Variants in ARHGAP30 observed in about 807,000 individuals in gnomAD.
ARHGAP30 encodes the protein Rho GTPase activating protein 30.
ARHGAP30 carries 23 observed loss-of-function variants against 72.0 expected under a neutral mutation model. The ratio of observed to expected loss-of-function variants is 0.32; its 90% confidence interval spans 0.23 to 0.45. The LOEUF (loss-of-function observed/expected upper bound fraction) is 0.45. ARHGAP30 is among the 20% of genes least tolerant of loss of function. The pLI is 1.00. For synonymous variants in ARHGAP30, 576 were observed against 528.2 expected (o/e 1.09, Z -1.24); for missense variants, 1,319 against 1,383.4 (o/e 0.95, Z 0.74).
intron 1 of ARHGAP30, among the ~76,000 whole-genome samples, chr1:161,064,845 GA>G (rs1196264251): frequency 1.3e-5 from 1 of 79,540 alleles, no homozygotes; most frequent in African/African-American, 4.0e-5. Flanking sequence ...AAGAAAGAAA[GA>G]AAGGAAAGGA....
At position 161,053,485 on chromosome 1, in the gene ARHGAP30, TCTCTCTCTCTCTCTCTCTCTC is replaced by T. The variant is rs1651585816; in HGVS notation, c.537-121_537-101del. ...TATTCTCTCTCTCTCTCTCTCTCTC[TCTCTCTCTCTCTCTCTCTCTC>T]GAATGACCTTAACCCCTTCTCTACC... On this transcript the variant is annotated intron_variant, in intron 5 of 11. Transcript: ENST00000368013. 220 of 1,237,178 alleles carry T rather than the reference TCTCTCTCTCTCTCTCTCTCTC, an allele frequency of 1.8e-4. 1 individual carries two copies. Among genetic ancestry groups the T allele is most frequent in the African/African-American group, 1.1e-3 (66 of 59,276 alleles). 76.6% of individuals were successfully genotyped at this position (1,237,178 alleles called of 1,614,324 possible).
intron 2 of ARHGAP30, among the ~76,000 whole-genome samples, chr1:161,057,196 C>T (rs1320432757): frequency 3.3e-5 from 5 of 151,658 alleles, no homozygotes; most frequent in Non-Finnish European, 5.9e-5. Context: ...ACTCTGTCGC[C>T]CAGACTGGCA....
At chr1:161,062,267 C>G (rs891012945) in intron 1 of ARHGAP30, among the ~76,000 whole-genome samples, 2 of 152,138 alleles carry the variant, frequency 1.3e-5, no homozygotes, top group Admixed American at 6.6e-5. Context: ...AACTCCTCAA[C>G]CTGGTATATA....
intron 6 of ARHGAP30, 63 bp from the exon 7 acceptor site, chr1:161,052,860 A>C (rs1450903742): frequency 7.0e-6 from 11 of 1,569,328 alleles, no homozygotes; most frequent in Non-Finnish European, 9.5e-6. Context: ...TCAGGCACCC[A>C]ATCCTTCATC....
chr1:161,052,508 G>A lies in ARHGAP30; in HGVS notation c.872C>T (p.Ser291Phe). 2 of 1,613,836 alleles carry A rather than the reference G, an allele frequency of 1.2e-6. No homozygotes were observed. The highest frequency in any genetic ancestry group is 1.7e-6 in the Non-Finnish European group (2 of 1,180,012). ...KGSLKVRKWR[S>F]IFNLGRSGHE... ...GCCAGAGCGACCTAAATTGAAGATA[G>A]ACCTCCACTTCCTGACCTTCAAAGA... Residue 291 changes from serine (S) to phenylalanine (F), a missense_variant, in exon 8 of 12, where the codon TCT becomes TTT. By Grantham distance (155) the Ser-to-Phe change is radical. Transcript: ENST00000368013.
chr1:161,053,106 G>T (rs1312553216), intron 6 of ARHGAP30, 152 bp downstream of exon 6: 40 of 1,183,744 alleles, frequency 3.4e-5, no homozygotes, highest in Non-Finnish European at 4.4e-5. Flanking sequence ...CTCAAGTCCT[G>T]ACTGCACAAT....
Position 161,056,389 on chromosome 1 carries a change from G to A in ARHGAP30, c.344C>T (p.Ala115Val). 2 of 1,613,440 alleles carry A rather than the reference G, an allele frequency of 1.2e-6. No homozygotes were observed. The highest frequency in any genetic ancestry group is 1.7e-6 in the Non-Finnish European group (2 of 1,179,734). Residue 115 changes from alanine to valine, a missense_variant and splice_region_variant, in exon 3 of 12, where the codon GCT (alanine) becomes GTT (valine). Coordinates refer to ENST00000368013, the MANE Select transcript of ARHGAP30 (RefSeq NM_001025598.2). Reference protein sequence around the residue: ...LLTYRLYDKFAEAVGVQLEPE... With the variant: ...LLTYRLYDKFVEAVGVQLEPE... ...CCACCCCTCGGCCTCTCAACTCACA[G>A]CAAACTTGTCATAGAGCCGGTAAGT...
At chr1:161,056,669 C>A (rs1037432398) in intron 2 of ARHGAP30, 137 bp from the exon 3 acceptor site, 2 of 902,652 alleles carry the variant, frequency 2.2e-6, no homozygotes, top group Non-Finnish European at 1.6e-6. Context: ...GGGACACGTA[C>A]ACATGTAAGC....
intron 1 of ARHGAP30, among the ~76,000 whole-genome samples, chr1:161,067,736 C>T (rs140534436): frequency 2.6e-5 from 4 of 152,162 alleles, no homozygotes; most frequent in East Asian, 1.9e-4. Flanking sequence ...GGGAGACCAA[C>T]GTGATCAGGG....
intron 2 of ARHGAP30, 118 bp downstream of exon 2, chr1:161,059,496 G>T: frequency 2.4e-6 from 2 of 830,002 alleles, no homozygotes; most frequent in Non-Finnish European, 1.9e-6. Flanking sequence ...TAGTATCTGT[G>T]TTTCCTTCTC....
At chr1:161,056,971 A>C (rs1230938001) in intron 2 of ARHGAP30, among the ~76,000 whole-genome samples, 1 of 152,206 alleles carries the variant, frequency 6.6e-6, no homozygotes, top group Non-Finnish European at 1.5e-5. Context: ...AGCACAAGCA[A>C]ACAAAGAAAT....
Position 161,047,113 on chromosome 1 carries a change from C to A in ARHGAP30, c.*602G>T. 1 of 344,840 alleles carries A rather than the reference C, an allele frequency of 2.9e-6. No individual in the cohort carries two copies. Among genetic ancestry groups the A allele is most frequent in the South Asian group, 2.2e-5 (1 of 45,354 alleles). 21.4% of individuals were successfully genotyped at this position (344,840 alleles called of 1,614,324 possible). A position where few individuals can be genotyped will look rare whatever the true frequency, so the allele number is the denominator to read the frequency against. On this transcript the variant is annotated 3_prime_UTR_variant, in exon 12 of 12. Coordinates refer to ENST00000368013, the MANE Select transcript of ARHGAP30 (RefSeq NM_001025598.2). Reference sequence around the variant, plus strand: ...AAAGGAGAGCCCAGAGAGATCTGTACAGGACCTCTCTTGCACATGGTGACT... The same window carrying A: ...AAAGGAGAGCCCAGAGAGATCTGTAAAGGACCTCTCTTGCACATGGTGACT...
chr1:161,049,511 C>T lies in ARHGAP30; in HGVS notation c.1599G>A (p.Gln533=), dbSNP rs1337275079. The change falls in exon 11 of 12, where the codon CAG becomes CAA. Residue 533 remains glutamine (Q), a synonymous_variant. Coordinates refer to ENST00000368013, the MANE Select transcript of ARHGAP30 (RefSeq NM_001025598.2). ...WVGAEDGEVA[Q]AEAAGAAFSP... ...AGAAGGCTGCTCCTGCTGCTTCTGCCTGGGCCACCTCCCCATCCTCTGCCC... is the reference window on the plus strand; with the variant it reads ...AGAAGGCTGCTCCTGCTGCTTCTGCTTGGGCCACCTCCCCATCCTCTGCCC... 3.1e-6 allele frequency: 5 copies of T among 1,614,172 alleles called. No homozygotes were observed. Among genetic ancestry groups the T allele is most frequent in the African/African-American group, 1.3e-5 (1 of 75,064 alleles).
intron 3 of ARHGAP30, among the ~76,000 whole-genome samples, chr1:161,055,872 AAAT>A (rs1331447248): frequency 0.018 from 549 of 29,714 alleles, 26 homozygotes; most frequent in Middle Eastern, 0.052. Flanking sequence ...AAATAAAATA[AAAT>A]AAAATAAAAA....
At chr1:161,064,815 G>GAA (rs1242868982) in intron 1 of ARHGAP30, among the ~76,000 whole-genome samples, 2 of 60,982 alleles carry the variant, frequency 3.3e-5, no homozygotes, top group Non-Finnish European at 5.8e-5. Flanking sequence ...AAGAAAGAAA[G>GAA]AAAGAAAGAA....
rs371612334 is a variant in ARHGAP30, at chr1:161,063,041, G to T, written c.98-3325C>A. On this transcript the variant is annotated intron_variant, in intron 1 of 11. Coordinates refer to ENST00000368013, the MANE Select transcript of ARHGAP30 (RefSeq NM_001025598.2). ...GTTGGTCAGGCTGTCTCGAACTCCC[G>T]ACCTCAGGTGATCTGCCCACCTCAG... Among the ~76,000 whole-genome samples, 89 of 152,202 alleles carry T rather than the reference G, an allele frequency of 5.8e-4. 2 individuals carry two copies. Among genetic ancestry groups the T allele is most frequent in the South Asian group, 4.2e-3 (20 of 4,818 alleles).
rs1651199453 is a variant in ARHGAP30, at chr1:161,049,646, G to A, written c.1464C>T (p.Asp488=). ...CAGGAGCCAAGTCGTCTGGGCCTGA[G>A]TCTGCCAGGGGACTTGAGGCTGGAC... ...EASPASSPLA[D]SGPDDLAPAL... is the part of the protein sequence containing the mutation. The change falls in exon 11 of 12, where the codon GAC becomes GAT. Residue 488 remains aspartate (D), a synonymous_variant. Transcript: ENST00000368013. 6.2e-7 allele frequency: 1 copy of A among 1,614,022 alleles called. No individual in the cohort carries two copies. Among genetic ancestry groups the A allele is most frequent in the Non-Finnish European group, 8.5e-7 (1 of 1,179,948 alleles).
At chr1:161,066,493 C>T (rs1039912991) in intron 1 of ARHGAP30, among the ~76,000 whole-genome samples, 1 of 150,832 alleles carries the variant, frequency 6.6e-6, no homozygotes, top group African/African-American at 2.4e-5. Flanking sequence ...CTAAAAAGTA[C>T]AAAAATTAGC....
At position 161,052,330 on chromosome 1, in the gene ARHGAP30, G is replaced by T. The variant is rs1167099022; in HGVS notation, c.974C>A (p.Ala325Asp). Residue 325 changes from alanine (A) to aspartate (D), a missense_variant, in exon 9 of 12, where the codon GCC becomes GAC. Coordinates refer to ENST00000368013, the MANE Select transcript of ARHGAP30 (RefSeq NM_001025598.2). ...AGCACTCAGTGAGTCCATGCTTTTG[G>T]CTGGCCGCAGTGTCCCCTTGTTGGA... is the stretch of plus-strand genomic sequence containing the variant. ...DKSNKGTLRP[A>D]KSMDSLSAAA... is the part of the protein sequence containing the mutation. 6.2e-7 allele frequency: 1 copy of T among 1,613,922 alleles called. No individual in the cohort carries two copies. The highest frequency in any genetic ancestry group is 1.1e-5 in the South Asian group (1 of 91,072).
Sources: gnomAD v4.1 joint callset for allele counts (sites outside exome capture counted in the v4.1 genomes callset) on GRCh38, gnomAD v4.1.1 for gene constraint, MANE v1.5 for transcripts, NCBI Gene and HGNC (gene_info 2026-07-23, HGNC 2026-07-21) for gene names.